Variants in MASP2 observed in about 807,000 individuals in gnomAD.
MASP2 encodes mannan-binding lectin serine protease 2.
MASP2 carries 49 observed loss-of-function variants against 57.1 expected under a neutral mutation model. The observed-to-expected ratio is 0.86, with a 90% CI of 0.68 to 1.09. MASP2 has a LOEUF of 1.09. Ranked by LOEUF, MASP2 falls within the 50% of genes least tolerant of loss-of-function variation. The pLI is 0.00. For missense variants in MASP2, 900 were observed against 874.8 expected (o/e 1.03, Z -0.36); for synonymous variants, 379 against 340.8 (o/e 1.11, Z -1.24).
rs377190586 is a variant in MASP2 at position 11,045,538 on chromosome 1, G to T, written c.414C>A (p.Asp138Glu). 3.6e-5 allele frequency: 57 copies of T among 1,604,542 alleles called. No individual in the cohort carries two copies. In the South Asian group the frequency reaches 4.6e-4, roughly 13 times the overall value. The change falls in exon 4 of 11, where the codon GAC becomes GAA. Residue 138 changes from aspartate to glutamate, a missense_variant and splice_region_variant. Transcript: ENST00000400897. ...CCGGGGCCACCTGGCACTCGTCAAT[G>T]TCTGGGGGAGAGGCAGGGCCAGGCA... ...TGFEAFYAAE[D>E]IDECQVAPGE...
At chr1:11,033,057 G>A (rs759750378) in intron 8 of MASP2, among the ~76,000 whole-genome samples, 3 of 151,888 alleles carry the variant, frequency 2.0e-5, no homozygotes, top group East Asian at 1.9e-4. Flanking sequence ...GGCCGGGCGC[G>A]GTGGCTCATG....
Position 11,027,175 on chromosome 1 carries a change from G to T in MASP2, c.1771C>A (p.Pro591Thr). 6.2e-7 allele frequency: 1 copy of T among 1,614,140 alleles called. No homozygotes were observed. The highest frequency in any genetic ancestry group is 8.5e-7 in the Non-Finnish European group (1 of 1,180,042). ...LARNLMYVDI[P>T]IVDHQKCTAA... is the part of the protein sequence containing the mutation. Reference sequence around the variant, plus strand: ...GTACATTTTTGATGGTCAACAATCGGTATGTCGACATACATTAGATTTCTA... The same window carrying T: ...GTACATTTTTGATGGTCAACAATCGTTATGTCGACATACATTAGATTTCTA... Residue 591 changes from proline (P) to threonine (T), a missense_variant, in exon 11 of 11, where the codon CCG becomes ACG. Coordinates refer to ENST00000400897, the MANE Select transcript of MASP2 (RefSeq NM_006610.4).
rs1557663748 is a variant in MASP2 at position 11,026,895 on chromosome 1, CTAAT to C, written c.2047_2050del (p.Ile683ValfsTer50). ...CTGCAGACACGCAAGTTAAAAATCA[CTAAT>C]TATGTTCTCGATCCAGGGAATATAG... On this transcript the variant is annotated frameshift_variant, in exon 11 of 11. Transcript: ENST00000400897. LOFTEE classifies it high-confidence loss of function. The C allele has an allele frequency of 2.1e-5, 31 of 1,479,712 alleles. No individual in the cohort carries two copies. The highest frequency in any genetic ancestry group is 5.9e-5 in the South Asian group (4 of 67,884). The allele number at this position is 1,479,712 out of a possible 1,614,324, so 91.7% of individuals were successfully genotyped here. A position where few individuals can be genotyped will look rare whatever the true frequency, so the allele number is the denominator to read the frequency against.
At chr1:11,032,057 G>A (rs1643855207) in intron 8 of MASP2, among the ~76,000 whole-genome samples, 1 of 152,062 alleles carries the variant, frequency 6.6e-6, no homozygotes, top group South Asian at 2.1e-4. Context: ...GGGCAACATA[G>A]TGAGACCCCA....
chr1:11,033,987 A>T (rs1329577517), intron 8 of MASP2, among the ~76,000 whole-genome samples: 24 of 149,450 alleles, frequency 1.6e-4, no homozygotes, highest in Non-Finnish European at 2.5e-4. Context: ...TCTCTCTCTC[A>T]CACACTTTGG....
chr1:11,030,236 C>T lies in MASP2; in HGVS notation c.1237G>A (p.Glu413Lys), dbSNP rs900188679. ...GAGCTCGTCCAGAATCCATCAGCCT[C>T]ACACACATATTTACCTGCAAATCAT... ...MKVNDGKYVCEADGFWTSSKG... is the reference protein window; with the variant it reads ...MKVNDGKYVCKADGFWTSSKG... Residue 413 changes from glutamate to lysine, a missense_variant, in exon 10 of 11, where the codon GAG becomes AAG. Glu to Lys is a moderately conservative substitution (Grantham distance 56). Coordinates refer to ENST00000400897, the MANE Select transcript of MASP2 (RefSeq NM_006610.4). 6 of 1,613,414 alleles carry T rather than the reference C, an allele frequency of 3.7e-6. No homozygotes were observed. The highest frequency in any genetic ancestry group is 5.1e-6 in the Non-Finnish European group (6 of 1,179,704).
At position 11,047,187 on chromosome 1, in the gene MASP2, G is replaced by T. The variant is rs992837980; in HGVS notation, c.5+16C>A. ...CCACCCCACACCCTGCAGGGAGGCT[G>T]TGGGCGCCCACCTACCTCATGGTGT... is the stretch of plus-strand genomic sequence containing the variant. On this transcript the variant is annotated intron_variant, in intron 1 of 10. Transcript: ENST00000400897. 1 of 1,561,046 alleles carries T rather than the reference G, an allele frequency of 6.4e-7. No individual in the cohort carries two copies. The highest frequency in any genetic ancestry group is 8.7e-7 in the Non-Finnish European group (1 of 1,154,790).
intron 6 of MASP2, among the ~76,000 whole-genome samples, chr1:11,041,961 G>A: frequency 6.6e-6 from 1 of 151,138 alleles, no homozygotes; most frequent in Non-Finnish European, 1.5e-5. Flanking sequence ...TGGATAGGTG[G>A]AAGAATGGGT....
intron 5 of MASP2, 104 bp from the exon 6 acceptor site, chr1:11,043,126 C>G: frequency 7.8e-7 from 1 of 1,282,254 alleles, no homozygotes; most frequent in Non-Finnish European, 1.1e-6. Flanking sequence ...GCCAATGAGG[C>G]CAACCCAGGC....
At chr1:11,033,951 ACACACACACACACACT>A (rs1296923954) in intron 8 of MASP2, among the ~76,000 whole-genome samples, 1,585 of 59,204 alleles carry the variant, frequency 0.027, 38 homozygotes, top group African/African-American at 0.075. Flanking sequence ...ACACACACAC[ACACACACACACACACT>A]CTCTCTCTCT....
rs760383936 is a variant in MASP2 at position 11,027,008 on chromosome 1, CCT to C, written c.1936_1937del (p.Arg646ValfsTer28). On this transcript the variant is annotated frameshift_variant, in exon 11 of 11. Transcript: ENST00000400897. LOFTEE classifies it high-confidence loss of function. ...AGGACACTATTCCTCCCACAAACCA[CCT>C]CTCTGTTTCACTATCTAGAAACACC... ...ALVFLDSETE[R>X]WFVGGIVSWG... The C allele has an allele frequency of 8.4e-5, 134 of 1,599,448 alleles. No homozygotes were observed. Among genetic ancestry groups the C allele is most frequent in the African/African-American group, 2.3e-4 (17 of 74,558 alleles).
At chr1:11,036,510 CAAAAAAAAAAAAA>C (rs35642467) in intron 7 of MASP2, among the ~76,000 whole-genome samples, 3 of 54,348 alleles carry the variant, frequency 5.5e-5, no homozygotes, top group African/African-American at 1.9e-4. Flanking sequence ...GACTCCGTCT[CAAAAAAAAAAAAA>C]AAAAAAAAAA....
rs373454122 is a variant in MASP2, at chr1:11,034,878, G to T, written c.1037C>A (p.Ala346Glu). The T allele has an allele frequency of 1.7e-5, 27 of 1,612,800 alleles. No individual in the cohort carries two copies. The highest frequency in any genetic ancestry group is 5.5e-5 in the South Asian group (5 of 90,892). Reference sequence around the variant, plus strand: ...CCAAGATCCATCTTTCTGACAAACTGCAGTAAAGGATTTCAGGGGCAAGTG... The same window carrying T: ...CCAAGATCCATCTTTCTGACAAACTTCAGTAAAGGATTTCAGGGGCAAGTG... Reference protein sequence around the residue: ...QGHLPLKSFTAVCQKDGSWDR... With the variant: ...QGHLPLKSFTEVCQKDGSWDR... The change falls in exon 8 of 11, where the codon GCA (alanine) becomes GAA (glutamate). Residue 346 changes from alanine to glutamate, a missense_variant. Ala to Glu is a moderately radical substitution (Grantham distance 107, BLOSUM62 -1). Coordinates refer to ENST00000400897, the MANE Select transcript of MASP2 (RefSeq NM_006610.4).
chr1:11,045,196 TAGTCTC>T (rs1267696989), intron 4 of MASP2: 3 of 793,032 alleles, frequency 3.8e-6, no homozygotes, highest in Non-Finnish European at 2.2e-6. Context: ...ATGTTAGAAT[TAGTCTC>T]AGTCGCTAGG....
chr1:11,027,172 TCG>T lies in MASP2; in HGVS notation c.1772_1773del (p.Pro591HisfsTer3). ...LARNLMYVDI[P>X]IVDHQKCTAA... The stretch of plus-strand genomic sequence containing the variant: ...GCAGTACATTTTTGATGGTCAACAA[TCG>T]GTATGTCGACATACATTAGATTTCT... On this transcript the variant is annotated frameshift_variant, in exon 11 of 11. Coordinates refer to ENST00000400897, the MANE Select transcript of MASP2 (RefSeq NM_006610.4). LOFTEE classifies it high-confidence loss of function. 16 of 1,614,158 alleles carry T rather than the reference TCG, an allele frequency of 9.9e-6. No homozygotes were observed. The highest frequency in any genetic ancestry group is 1.4e-5 in the Non-Finnish European group (16 of 1,180,044).
chr1:11,030,287 A>G (rs748113749), intron 9 of MASP2, 37 bp from the exon 10 acceptor site: 2 of 1,423,596 alleles, frequency 1.4e-6, no homozygotes, highest in Admixed American at 1.7e-5. Flanking sequence ...GTTTAACTGC[A>G]TGTATAAGAT....
intron 10 of MASP2, among the ~76,000 whole-genome samples, chr1:11,029,427 A>G (rs945026409): frequency 7.9e-5 from 12 of 151,490 alleles, no homozygotes; most frequent in Admixed American, 2.0e-4. Flanking sequence ...ATTCTACTCA[A>G]CTATTATCTT....
intron 7 of MASP2, among the ~76,000 whole-genome samples, chr1:11,036,527 A>AG: frequency 7.1e-6 from 1 of 140,952 alleles, no homozygotes; most frequent in South Asian, 2.1e-4. Flanking sequence ...AAAAAAAAAA[A>AG]AAAAAAAAAA....
intron 8 of MASP2, among the ~76,000 whole-genome samples, chr1:11,032,239 G>GC (rs1002991493): frequency 6.6e-6 from 1 of 152,200 alleles, no homozygotes; most frequent in African/African-American, 2.4e-5. Flanking sequence ...ACATAAAATT[G>GC]CCCCCCTTTT....
Sources: allele counts gnomAD v4.1 joint callset (sites outside exome capture counted in the v4.1 genomes callset), GRCh38; gene constraint gnomAD v4.1.1; transcripts MANE v1.5; gene names NCBI Gene and HGNC (gene_info 2026-07-23, HGNC 2026-07-21).